PTPN4: variants seen among roughly 807,000 people sequenced by gnomAD.
PTPN4 encodes tyrosine-protein phosphatase non-receptor type 4.
In PTPN4, 49 loss-of-function variants were observed where a neutral mutation model predicts 135.5. That is an observed-to-expected ratio of 0.36 (90% CI 0.29 to 0.46). The LOEUF (loss-of-function observed/expected upper bound fraction) is 0.46. PTPN4 is among the 20% of genes least tolerant of loss of function. The pLI is 1.00. For synonymous variants in PTPN4, 333 were observed against 369.9 expected, an observed-to-expected ratio of 0.90 and a Z score of 1.14; for missense variants, 860 against 1,101.0, an observed-to-expected ratio of 0.78 and a Z score of 3.10.
chr2:119,949,353 G>A (rs1679179707), intron 18 of PTPN4, among the ~76,000 whole-genome samples: 1 of 152,116 alleles, frequency 6.6e-6, no homozygotes, highest in Non-Finnish European at 1.5e-5. Context: ...AGGCAATCGG[G>A]GGAAAAGGAA....
At chr2:119,855,051 A>G (rs972864312) in intron 2 of PTPN4, among the ~76,000 whole-genome samples, 1 of 152,094 alleles carries the variant, frequency 6.6e-6, no homozygotes, top group African/African-American at 2.4e-5. Context: ...TCCTTGTTGT[A>G]TCATAATGGA....
intron 13 of PTPN4, among the ~76,000 whole-genome samples, chr2:119,928,574 A>G (rs1678857822): frequency 6.6e-6 from 1 of 152,158 alleles, no homozygotes; most frequent in Non-Finnish European, 1.5e-5. Flanking sequence ...TTCTAATCAA[A>G]AAATCCTATA....
At chr2:119,865,127 G>T (rs1287039640) in intron 3 of PTPN4, among the ~76,000 whole-genome samples, 2 of 152,076 alleles carry the variant, frequency 1.3e-5, no homozygotes, top group East Asian at 3.8e-4. Flanking sequence ...ATGCCAAAAT[G>T]TGTCCACAGA....
chr2:119,872,952 T>C (rs908136397), intron 3 of PTPN4, among the ~76,000 whole-genome samples: 12 of 152,202 alleles, frequency 7.9e-5, no homozygotes, highest in Non-Finnish European at 1.0e-4. Context: ...AGACCAAGGC[T>C]ATTTACAATA....
intron 15 of PTPN4, among the ~76,000 whole-genome samples, 168 bp from the exon 16 acceptor site, chr2:119,944,913 T>C (rs935933639): frequency 2.0e-5 from 3 of 152,132 alleles, no homozygotes; most frequent in Admixed American, 2.0e-4. Flanking sequence ...AGTAGGAAAT[T>C]AGATTTATTA....
intron 1 of PTPN4, among the ~76,000 whole-genome samples, chr2:119,770,041 A>C (rs866467462): frequency 4.6e-5 from 7 of 152,248 alleles, no homozygotes; most frequent in Non-Finnish European, 8.8e-5. Flanking sequence ...ACAATTAAAA[A>C]TTACGTCCAA....
intron 8 of PTPN4, among the ~76,000 whole-genome samples, 172 bp from the exon 9 acceptor site, chr2:119,885,623 T>A (rs992685131): frequency 2.4e-4 from 37 of 152,198 alleles, no homozygotes; most frequent in African/African-American, 7.2e-4. Context: ...AATAATAATT[T>A]GGGTTACTGA....
chr2:119,937,070 A>G (rs546004307), intron 15 of PTPN4, among the ~76,000 whole-genome samples: 1 of 152,222 alleles, frequency 6.6e-6, no homozygotes, highest in African/African-American at 2.4e-5. Context: ...CATTTTATAG[A>G]TAAGAAAGCC....
intron 1 of PTPN4, among the ~76,000 whole-genome samples, chr2:119,762,780 A>G (rs1690533094): frequency 6.6e-6 from 1 of 152,168 alleles, no homozygotes; most frequent in Non-Finnish European, 1.5e-5. Flanking sequence ...TGTTGCTCCT[A>G]TGTAAAATTT....
intron 1 of PTPN4, among the ~76,000 whole-genome samples, chr2:119,777,304 G>A (rs983548634): frequency 5.9e-5 from 9 of 152,276 alleles, no homozygotes; most frequent in Non-Finnish European, 1.2e-4. Context: ...CTGCTCAAAA[G>A]CAAATTTCTC....
At chr2:119,822,364 C>CT (rs35674640) in intron 2 of PTPN4, among the ~76,000 whole-genome samples, 9,450 of 117,810 alleles carry the variant, frequency 0.08, 527 homozygotes, top group Middle Eastern at 0.17. Context: ...CTCCCCCCCC[C>CT]TTTTTTTTTT....
rs1678716842 is a variant in PTPN4, at chr2:119,920,238, AC to A, written c.999del (p.Cys334ValfsTer34). 6.2e-7 allele frequency: 1 copy of A among 1,606,750 alleles called. No homozygotes were observed. The highest frequency in any genetic ancestry group is 8.5e-7 in the Non-Finnish European group (1 of 1,175,092). On this transcript the variant is annotated frameshift_variant and splice_region_variant, in exon 12 of 27. Transcript: ENST00000263708. LOFTEE classifies it high-confidence loss of function. Reference sequence around the variant, plus strand: ...TTTACATTAGGTTCAAAATTCCGGTACTGGTAAGTATTGCTTCTGTGTTAAG... The same window carrying A: ...TTTACATTAGGTTCAAAATTCCGGTATGGTAAGTATTGCTTCTGTGTTAAG... ...HYFTLGSKFR[Y>X]CGRTEVQSVQ...
intron 2 of PTPN4, among the ~76,000 whole-genome samples, chr2:119,814,586 TCTGTCACTTAAGGTGAC>T (rs1448033785): frequency 6.6e-6 from 1 of 152,222 alleles, no homozygotes; most frequent in East Asian, 1.9e-4. Flanking sequence ...GTTAACTTTT[TCTGTCACTTAAGGTGAC>T]CACTGAAGTT....
chr2:119,965,457 A>G, intron 24 of PTPN4, 40 bp from the exon 25 acceptor site: 1 of 1,552,648 alleles, frequency 6.4e-7, no homozygotes, highest in Non-Finnish European at 8.7e-7. Context: ...AATTTCAATA[A>G]TACATAAGTC....
At chr2:119,793,558 A>G (rs1329424898) in intron 1 of PTPN4, among the ~76,000 whole-genome samples, 2 of 152,220 alleles carry the variant, frequency 1.3e-5, no homozygotes, top group African/African-American at 4.8e-5. Flanking sequence ...AAAGACAGAC[A>G]TAGGAAATTA....
rs573317370 is a variant in PTPN4, at chr2:119,906,557, C to T, written c.764+5751C>T. Among the ~76,000 whole-genome samples the T allele has an allele frequency of 1.5e-4, 23 of 152,042 alleles. 1 individual carries two copies. Among genetic ancestry groups the T allele is most frequent in the Admixed American group, 1.3e-3 (20 of 15,274 alleles). On this transcript the variant is annotated intron_variant, in intron 10 of 26. Transcript: ENST00000263708. ...CTTTATTACATCAACAGATTGAAAACCAAAAACCATGCAGTCATCTCAGTA... is the reference window on the plus strand; with the variant it reads ...CTTTATTACATCAACAGATTGAAAATCAAAAACCATGCAGTCATCTCAGTA...
In PTPN4 at chr2:119,885,782, G is replaced by T. The variant is rs759472967; in HGVS notation, c.588-13G>T. 3 of 1,517,824 alleles carry T rather than the reference G, an allele frequency of 2.0e-6. No homozygotes were observed. Among genetic ancestry groups the T allele is most frequent in the South Asian group, 1.2e-5 (1 of 80,928 alleles). 94.0% of individuals were successfully genotyped at this position (1,517,824 alleles called of 1,614,324 possible). ...TGATTGATCTCATTTTTAACTTAAT[G>T]ATGTCTTTATAGAGGCTTATCTCCT... On this transcript the variant is annotated splice_polypyrimidine_tract_variant and intron_variant, in intron 8 of 26. Coordinates refer to ENST00000263708, the MANE Select transcript of PTPN4 (RefSeq NM_002830.4).
chr2:119,854,556 G>A (rs564027816), intron 2 of PTPN4, among the ~76,000 whole-genome samples: 7 of 152,256 alleles, frequency 4.6e-5, no homozygotes, highest in African/African-American at 1.7e-4. Flanking sequence ...AGCAGCTAGG[G>A]TTCCTCTTGG....
In PTPN4 at chr2:119,760,142, T is replaced by G; in HGVS notation, c.-260T>G. On this transcript the variant is annotated 5_prime_UTR_variant, in exon 1 of 27. Transcript: ENST00000263708. ...GGATTATCTCATCCCTGCAGGGAGG[T>G]AGGAGAGGTCGCCGGCTGCCCGCCT... is the stretch of plus-strand genomic sequence containing the variant. The G allele has an allele frequency of 2.6e-6, 1 of 391,610 alleles. No individual in the cohort carries two copies. Among genetic ancestry groups the G allele is most frequent in the Non-Finnish European group, 4.5e-6 (1 of 222,050 alleles). 24.3% of individuals were successfully genotyped at this position (391,610 alleles called of 1,614,324 possible).
Sources: gnomAD v4.1 joint callset for allele counts (sites outside exome capture counted in the v4.1 genomes callset) on GRCh38, gnomAD v4.1.1 for gene constraint, MANE v1.5 for transcripts, NCBI Gene and HGNC (gene_info 2026-07-23, HGNC 2026-07-21) for gene names.